The following BCAP29 variants were observed in gnomAD, a reference collection of about 807,000 sequenced individuals.
The protein encoded by BCAP29 is B-cell receptor-associated protein 29.
Under a neutral mutation model 31.8 loss-of-function variants are expected in BCAP29, and 34 were observed. The ratio of observed to expected loss-of-function variants is 1.07; its 90% CI spans 0.81 to 1.42. BCAP29 has a LOEUF of 1.42. Ranked by LOEUF, BCAP29 falls within the 40% of genes most tolerant of loss-of-function variation. The probability of loss-of-function intolerance (pLI) is 0.00; values close to 1 mark genes in which losing one functional copy is unlikely to be tolerated. For synonymous variants in BCAP29, 104 were observed against 91.3 expected, an observed-to-expected ratio of 1.14 and a Z score of -0.79; for missense variants, 314 against 269.2, an observed-to-expected ratio of 1.17 and a Z score of -1.16.
At chr7:107,597,517 AAAT>A (rs1287389764) in intron 5 of BCAP29, among the ~76,000 whole-genome samples, 1 of 152,194 alleles carries the variant, frequency 6.6e-6, no homozygotes, top group African/African-American at 2.4e-5. Flanking sequence ...CCTTAGCTAT[AAAT>A]AATAGTTAAC....
At chr7:107,614,838 C>T (rs907919257) in intron 7 of BCAP29, among the ~76,000 whole-genome samples, 4 of 152,140 alleles carry the variant, frequency 2.6e-5, no homozygotes, top group Admixed American at 1.3e-4. Context: ...ACCCCTTCCC[C>T]GTCTCAAAAA....
At chr7:107,594,295 C>A in intron 4 of BCAP29, 190 bp downstream of exon 4, 1 of 557,128 alleles carries the variant, frequency 1.8e-6, no homozygotes, top group African/African-American at 1.9e-5. Context: ...TTCAAGTGAT[C>A]CTGCCTCTTC....
chr7:107,606,378 A>G (rs1317337088), intron 6 of BCAP29, among the ~76,000 whole-genome samples: 2 of 152,184 alleles, frequency 1.3e-5, no homozygotes, highest in Non-Finnish European at 2.9e-5. Context: ...TGGCTTTTTG[A>G]CCCTTCAAAT....
At chr7:107,610,081 A>G (rs1202011978) in intron 6 of BCAP29, among the ~76,000 whole-genome samples, 2 of 152,232 alleles carry the variant, frequency 1.3e-5, no homozygotes, top group Non-Finnish European at 2.9e-5. Context: ...ATAGTTCCGT[A>G]AGTGAACGTT....
rs1049361377 is a variant in BCAP29, at chr7:107,580,272, A to G, written c.-44A>G. On this transcript the variant is annotated 5_prime_UTR_variant, in exon 1 of 8. Transcript: ENST00000005259. Reference sequence around the variant, plus strand: ...TCCCGCGCGTCGGCGGCCGCGGAGCAGCGCAGGGAGCCAGGCGGGCTGCCG... The same window carrying G: ...TCCCGCGCGTCGGCGGCCGCGGAGCGGCGCAGGGAGCCAGGCGGGCTGCCG... The G allele has an allele frequency of 2.6e-5, 4 of 151,820 alleles. No homozygotes were observed. Among genetic ancestry groups the G allele is most frequent in the African/African-American group, 9.7e-5 (4 of 41,390 alleles). The allele number at this position is 151,820 out of a possible 1,614,324, so 9.4% of individuals were successfully genotyped here.
intron 7 of BCAP29, among the ~76,000 whole-genome samples, chr7:107,614,004 G>T (rs748663896): frequency 6.6e-6 from 1 of 152,082 alleles, no homozygotes; most frequent in South Asian, 2.1e-4. Context: ...TCCCTGTTAG[G>T]CTTGTCTTTC....
intron 7 of BCAP29, among the ~76,000 whole-genome samples, chr7:107,614,123 T>G (rs1813709705): frequency 6.6e-6 from 1 of 152,200 alleles, no homozygotes; most frequent in Non-Finnish European, 1.5e-5. Context: ...CCCTCCCAGT[T>G]TCTCCCAAGA....
rs191589994 is a variant in BCAP29, at chr7:107,592,127, T to G, written c.194-1828T>G. On this transcript the variant is annotated intron_variant, in intron 3 of 7. Coordinates refer to ENST00000005259, the MANE Select transcript of BCAP29 (RefSeq NM_018844.4). ...TCTAGAAAACAATTGGCCTGGCACCTTTTTAAAAAAGTATTATATGTCAAG... is the reference window on the plus strand; with the variant it reads ...TCTAGAAAACAATTGGCCTGGCACCGTTTTAAAAAAGTATTATATGTCAAG... Among the ~76,000 whole-genome samples the G allele has an allele frequency of 4.4e-3, 667 of 152,212 alleles. 3 individuals are homozygous for G. The highest frequency in any genetic ancestry group is 0.015 in the African/African-American group (638 of 41,528).
At chr7:107,623,071 T>C (rs1348746658), downstream of BCAP29, 1 of 152,150 alleles carries the variant, frequency 6.6e-6, no homozygotes, top group African/African-American at 2.4e-5. Context: ...TTGAAACATA[T>C]GCTGCTATCT....
chr7:107,596,715 T>C (rs1809880381), intron 5 of BCAP29, among the ~76,000 whole-genome samples: 1 of 152,236 alleles, frequency 6.6e-6, no homozygotes, highest in African/African-American at 2.4e-5. Context: ...ATTGTTTTTC[T>C]CTTATTCTTT....
intron 6 of BCAP29, among the ~76,000 whole-genome samples, chr7:107,603,911 A>G (rs965110970): frequency 6.6e-6 from 1 of 152,128 alleles, no homozygotes; most frequent in Admixed American, 6.5e-5. Context: ...GGCCTCAGCA[A>G]TTTTTAAAAG....
chr7:107,609,643 A>G (rs1200854086), intron 6 of BCAP29, among the ~76,000 whole-genome samples: 1 of 152,204 alleles, frequency 6.6e-6, no homozygotes, highest in East Asian at 1.9e-4. Context: ...GGATAATATA[A>G]TTAAACCACA....
intron 3 of BCAP29, chr7:107,587,562 G>A (rs1377402009): frequency 2.0e-5 from 3 of 152,000 alleles, no homozygotes; most frequent in African/African-American, 7.2e-5. Context: ...TTTGGTAGTG[G>A]TTGGCATGCT....
intron 6 of BCAP29, among the ~76,000 whole-genome samples, chr7:107,611,864 T>C (rs775730480): frequency 2.0e-5 from 3 of 152,222 alleles, no homozygotes; most frequent in Non-Finnish European, 4.4e-5. Context: ...GCTGTTTAAA[T>C]TTAATTGAAC....
intron 6 of BCAP29, among the ~76,000 whole-genome samples, chr7:107,601,313 T>A (rs1811137538): frequency 6.6e-6 from 1 of 152,178 alleles, no homozygotes; most frequent in African/African-American, 2.4e-5. Flanking sequence ...GGTGTTAAGG[T>A]ACGTTGTTTG....
chr7:107,618,662 G>A lies in BCAP29; in HGVS notation c.*299G>A, dbSNP rs545402822. ...AATAAAAGGAAAAAATTCATTAACC[G>A]GTTGCTTCCAAAATTAGAAGTTTTA... On this transcript the variant is annotated 3_prime_UTR_variant, in exon 8 of 8. Transcript: ENST00000005259. The A allele has an allele frequency of 1.4e-5, 19 of 1,340,556 alleles. No individual in the cohort carries two copies. The highest frequency in any genetic ancestry group is 2.9e-5 in the African/African-American group (2 of 68,120). The allele number at this position is 1,340,556 out of a possible 1,614,324, so 83.0% of individuals were successfully genotyped here.
rs1226823096 is a variant in BCAP29, at chr7:107,619,439, A to C, written c.*1076A>C. On this transcript the variant is annotated 3_prime_UTR_variant, in exon 8 of 8. Transcript: ENST00000005259. ...CTCATGAAAACCTAAATATAAAAAA[A>C]AGGAAAATACTGGAGTTTTTATTTC... 1 of 152,200 alleles carries C rather than the reference A, an allele frequency of 6.6e-6. No homozygotes were observed. Among genetic ancestry groups the C allele is most frequent in the South Asian group, 2.1e-4 (1 of 4,826 alleles). The allele number at this position is 152,200 out of a possible 1,614,324, so 9.4% of individuals were successfully genotyped here. A position where few individuals can be genotyped will look rare whatever the true frequency, so the allele number is the denominator to read the frequency against.
intron 6 of BCAP29, among the ~76,000 whole-genome samples, chr7:107,610,497 G>T (rs543734743): frequency 3.9e-5 from 6 of 152,224 alleles, no homozygotes; most frequent in Non-Finnish European, 7.4e-5. Flanking sequence ...GAGGTGGAAG[G>T]CATCCAAAAC....
intron 6 of BCAP29, among the ~76,000 whole-genome samples, chr7:107,609,084 A>C (rs1420219394): frequency 6.6e-6 from 1 of 152,222 alleles, no homozygotes; most frequent in Non-Finnish European, 1.5e-5. Flanking sequence ...GGAGATCGAC[A>C]CTTTCTTGAC....
Sources: allele counts gnomAD v4.1 joint callset (sites outside exome capture counted in the v4.1 genomes callset), GRCh38; gene constraint gnomAD v4.1.1; transcripts MANE v1.5; gene names NCBI Gene and HGNC (gene_info 2026-07-23, HGNC 2026-07-21).